Variants in PRR35 observed in about 807,000 individuals in gnomAD.
The protein encoded by PRR35 is proline rich 35.
Under a neutral mutation model 18.6 loss-of-function variants are expected in PRR35, and 14 were observed. That is an observed-to-expected ratio of 0.75 (90% CI 0.50 to 1.18). The LOEUF (loss-of-function observed/expected upper bound fraction) is 1.18. Ranked by LOEUF, PRR35 falls within the 50% of genes most tolerant of loss-of-function variation. PRR35 has a pLI of 0.00. For missense variants in PRR35, 832 were observed against 792.2 expected (o/e 1.05, Z -0.60); for synonymous variants, 425 against 378.2 (o/e 1.12, Z -1.43).
In PRR35 at chr16:563,277, G is replaced by A. The variant is rs537338836; in HGVS notation, c.-18G>A. The A allele has an allele frequency of 3.1e-6, 5 of 1,589,808 alleles. No individual in the cohort carries two copies. In the South Asian group the frequency reaches 5.6e-5, roughly 18 times the overall value. Reference sequence around the variant, plus strand: ...ACAGGTGGCCATGGTGCCCGGCCCTGCCTCATAGCAGGCTGCCATGTCGCG... The same window carrying A: ...ACAGGTGGCCATGGTGCCCGGCCCTACCTCATAGCAGGCTGCCATGTCGCG... On this transcript the variant is annotated 5_prime_UTR_variant, in exon 2 of 3. Coordinates refer to ENST00000409413, the MANE Select transcript of PRR35 (RefSeq NM_145270.3).
At position 563,637 on chromosome 16, in the gene PRR35, G is replaced by A. The variant is rs904537748; in HGVS notation, c.343G>A (p.Asp115Asn). Reference protein sequence around the residue: ...ARPTGAAPAPDLVVADIHSLH... With the variant: ...ARPTGAAPAPNLVVADIHSLH... The stretch of plus-strand genomic sequence containing the variant: ...GCCCACAGGTGCTGCCCCCGCGCCT[G>A]ACCTCGTGGTCGCCGACATCCACTC... Residue 115 changes from aspartate to asparagine, a missense_variant, in exon 2 of 3, where the codon GAC becomes AAC. By Grantham distance (23) the Asp-to-Asn change is conservative. Around this residue, in one of 3 missense-constraint regions of PRR35, gnomAD observed 768 missense variants for 704.1 expected, o/e 1.09. Transcript: ENST00000409413. 8.9e-6 allele frequency: 14 copies of A among 1,580,516 alleles called. No homozygotes were observed. The highest frequency in any genetic ancestry group is 1.2e-5 in the Non-Finnish European group (14 of 1,169,880).
At position 564,298 on chromosome 16, in the gene PRR35, G is replaced by T; in HGVS notation, c.1004G>T (p.Arg335Met). ...GAGCGGGCAGCCCAGAGTGACCCCAGGAGGAGGCTGTCCCTGGGAAGCAGG... is the reference window on the plus strand; with the variant it reads ...GAGCGGGCAGCCCAGAGTGACCCCATGAGGAGGCTGTCCCTGGGAAGCAGG... ...ELERAAQSDPRRRLSLGSRLE... is the reference protein window; with the variant it reads ...ELERAAQSDPMRRLSLGSRLE... The change falls in exon 2 of 3, where the codon AGG (arginine) becomes ATG (methionine). Residue 335 changes from arginine to methionine, a missense_variant. Transcript: ENST00000409413. The T allele has an allele frequency of 6.3e-7, 1 of 1,578,946 alleles. No individual in the cohort carries two copies. Among genetic ancestry groups the T allele is most frequent in the Non-Finnish European group, 8.6e-7 (1 of 1,167,246 alleles).
rs1240435115 is a variant in PRR35 at position 560,410 on chromosome 16, AGCGGCGTCGGGGGGACGCGG to A, written c.-284_-265del. The A allele has an allele frequency of 4.6e-5, 45 of 982,154 alleles. No homozygotes were observed. Among genetic ancestry groups the A allele is most frequent in the Non-Finnish European group, 5.3e-5 (44 of 828,946 alleles). 60.8% of individuals were successfully genotyped at this position (982,154 alleles called of 1,614,324 possible). On this transcript the variant is annotated 5_prime_UTR_variant, in exon 1 of 3. Coordinates refer to ENST00000409413, the MANE Select transcript of PRR35 (RefSeq NM_145270.3). ...TCTGCCGCCAACTTCGGGAGGTGCG[AGCGGCGTCGGGGGGACGCGG>A]GCGGCGGCGGAGGCTGCGGGAGTCG...
intron 1 of PRR35, among the ~76,000 whole-genome samples, chr16:563,035 CTT>C (rs61007293): frequency 5.2e-4 from 68 of 130,798 alleles, no homozygotes; most frequent in Admixed American, 4.7e-4. Context: ...CTGTCCTGGA[CTT>C]TTTTTTTTTT....
chr16:561,081 G>T (rs1395915391), intron 1 of PRR35, among the ~76,000 whole-genome samples: 1 of 152,158 alleles, frequency 6.6e-6, no homozygotes, highest in Non-Finnish European at 1.5e-5. Flanking sequence ...GAGTGGGGCC[G>T]GGTGTCGGGG....
intron 1 of PRR35, among the ~76,000 whole-genome samples, chr16:561,312 G>T (rs1240623846): frequency 6.6e-6 from 1 of 152,178 alleles, no homozygotes; most frequent in East Asian, 1.9e-4. Flanking sequence ...GGGAGCCCCC[G>T]GTCCCTGCTG....
chr16:560,940 G>C (rs55857177), intron 1 of PRR35, among the ~76,000 whole-genome samples: 11 of 140,988 alleles, frequency 7.8e-5, no homozygotes, highest in East Asian at 3.9e-4. Context: ...TTCCCGGGGG[G>C]GGGGGCAGCA....
upstream of PRR35, chr16:560,266 GC>G: frequency 1.2e-6 from 1 of 813,948 alleles, no homozygotes; most frequent in Non-Finnish European, 1.5e-6. Flanking sequence ...GGCGGGGGGC[GC>G]GCGGGCGGCG....
chr16:562,446 GCATGCACA>G (rs1223063171), intron 1 of PRR35, among the ~76,000 whole-genome samples: 2 of 152,130 alleles, frequency 1.3e-5, no homozygotes, highest in Non-Finnish European at 2.9e-5. Context: ...ACACATGCAT[GCATGCACA>G]CATGCACACA....
At chr16:561,681 G>A (rs2035437710) in intron 1 of PRR35, 1 of 966,476 alleles carries the variant, frequency 1.0e-6, no homozygotes, top group Non-Finnish European at 1.2e-6. Flanking sequence ...AGCCCTGTTG[G>A]TCGTCCCCCC....
In PRR35 at chr16:560,503, G is replaced by A; in HGVS notation, c.-198G>A. ...CCCGGGAGGTCCGGCTCCCGGCGCC[G>A]GGCCTCAGTTTCCCCCACGGGAGCC... On this transcript the variant is annotated 5_prime_UTR_variant, in exon 1 of 3. Coordinates refer to ENST00000409413, the MANE Select transcript of PRR35 (RefSeq NM_145270.3). 1 of 982,836 alleles carries A rather than the reference G, an allele frequency of 1.0e-6. No homozygotes were observed. Among genetic ancestry groups the A allele is most frequent in the Non-Finnish European group, 1.2e-6 (1 of 828,864 alleles). 60.9% of individuals were successfully genotyped at this position (982,836 alleles called of 1,614,324 possible).
Position 563,703 on chromosome 16 carries a change from T to G in PRR35, c.409T>G (p.Ser137Ala). Residue 137 changes from serine to alanine, a missense_variant, in exon 2 of 3, where the codon TCC becomes GCC. Ser to Ala is a moderately conservative substitution (Grantham distance 99). Transcript: ENST00000409413. Reference sequence around the variant, plus strand: ...AGGCCCCAAGTCCAGGGCCAAGGGGTCCCCAGGGCCACCACCCCCTGTGGC... The same window carrying G: ...AGGCCCCAAGTCCAGGGCCAAGGGGGCCCCAGGGCCACCACCCCCTGTGGC... ...GGGPKSRAKGSPGPPPPVARA... is the reference protein window; with the variant it reads ...GGGPKSRAKGAPGPPPPVARA... 6.4e-7 allele frequency: 1 copy of G among 1,551,478 alleles called. No individual in the cohort carries two copies. The highest frequency in any genetic ancestry group is 1.9e-5 in the Admixed American group (1 of 53,404).
rs1455612425 is a variant in PRR35, at chr16:564,982, CCCT to C, written c.1393_1395del (p.Leu465del). 1 of 1,607,566 alleles carries C rather than the reference CCCT, an allele frequency of 6.2e-7. No individual in the cohort carries two copies. Among genetic ancestry groups the C allele is most frequent in the Non-Finnish European group, 8.5e-7 (1 of 1,178,400 alleles). ...CAGGCCGTGAGGCCGCCAGACGCAC[CCCT>C]CGACCTCTCTGTGAAACGTGCGCCC... On this transcript the variant is annotated inframe_deletion, in exon 3 of 3. Transcript: ENST00000409413.
At chr16:562,078 C>T (rs1004437457) in intron 1 of PRR35, among the ~76,000 whole-genome samples, 52 of 152,248 alleles carry the variant, frequency 3.4e-4, no homozygotes, top group South Asian at 2.1e-4. Context: ...ACCCAAAGCC[C>T]GTGTGCGCAG....
Position 563,424 on chromosome 16 carries a change from T to C in PRR35, c.130T>C (p.Phe44Leu). 6.2e-7 allele frequency: 1 copy of C among 1,612,518 alleles called. No homozygotes were observed. The highest frequency in any genetic ancestry group is 1.3e-5 in the African/African-American group (1 of 74,978). The change falls in exon 2 of 3, where the codon TTC (phenylalanine) becomes CTC (leucine). Residue 44 changes from phenylalanine to leucine, a missense_variant. Around this residue, in one of 3 missense-constraint regions of PRR35, gnomAD observed 56 missense variants for 64.8 expected, o/e 0.86. Transcript: ENST00000409413. ...PYNYKCFQCPFTCLEKSHLYN... is the reference protein window; with the variant it reads ...PYNYKCFQCPLTCLEKSHLYN... ...CAACTACAAATGCTTCCAGTGCCCC[T>C]TCACCTGCCTGGAGAAGTCACACCT...
chr16:565,350 C>A lies in PRR35; in HGVS notation c.*43C>A. On this transcript the variant is annotated 3_prime_UTR_variant, in exon 3 of 3. Coordinates refer to ENST00000409413, the MANE Select transcript of PRR35 (RefSeq NM_145270.3). The stretch of plus-strand genomic sequence containing the variant: ...CTGACTGTCTCTGCCTGCAGCATGC[C>A]GGCCCCTCTCCTGCAGCCCCTGCCC... The A allele has an allele frequency of 7.0e-7, 1 of 1,421,666 alleles. No individual in the cohort carries two copies. The allele number at this position is 1,421,666 out of a possible 1,614,324, so 88.1% of individuals were successfully genotyped here. A position where few individuals can be genotyped will look rare whatever the true frequency, so the allele number is the denominator to read the frequency against.
At chr16:560,995 C>T (rs1596373167) in intron 1 of PRR35, among the ~76,000 whole-genome samples, 1 of 151,162 alleles carries the variant, frequency 6.6e-6, no homozygotes, top group African/African-American at 2.5e-5. Flanking sequence ...CTGGGTGCCC[C>T]CTCCTGCCCT....
chr16:560,358 C>T (rs1166953519), upstream of PRR35: 1 of 982,152 alleles, frequency 1.0e-6, no homozygotes, highest in East Asian at 1.1e-4. Flanking sequence ...CCCCGGAGCC[C>T]GGAGCCCAGG....
Position 565,383 on chromosome 16 carries a change from G to A in PRR35, c.*76G>A. 7.3e-7 allele frequency: 1 copy of A among 1,367,680 alleles called. No homozygotes were observed. The highest frequency in any genetic ancestry group is 9.6e-7 in the Non-Finnish European group (1 of 1,045,996). The allele number at this position is 1,367,680 out of a possible 1,614,324, so 84.7% of individuals were successfully genotyped here. Reference sequence around the variant, plus strand: ...CTCCTGCAGCCCCTGCCCCTCACCTGCCTGGGACCTGCCCCGCCTCCGCAT... The same window carrying A: ...CTCCTGCAGCCCCTGCCCCTCACCTACCTGGGACCTGCCCCGCCTCCGCAT... On this transcript the variant is annotated 3_prime_UTR_variant, in exon 3 of 3. Coordinates refer to ENST00000409413, the MANE Select transcript of PRR35 (RefSeq NM_145270.3).
Sources: allele counts gnomAD v4.1 joint callset (sites outside exome capture counted in the v4.1 genomes callset), GRCh38; gene constraint gnomAD v4.1.1; regional missense constraint gnomAD v4.1.1; transcripts MANE v1.5; gene names NCBI Gene and HGNC (gene_info 2026-07-23, HGNC 2026-07-21).